ZFAND3: variants seen among roughly 807,000 people sequenced by gnomAD.
ZFAND3 encodes the protein zinc finger AN1-type containing 3, also known as AN1-type zinc finger protein 3.
In ZFAND3, 10 loss-of-function variants were observed where a neutral mutation model predicts 29.6. That is an observed-to-expected ratio of 0.34 (90% CI 0.21 to 0.57). The LOEUF is 0.57. Among genes scored for constraint, ZFAND3 ranks in the 20% least tolerant of loss-of-function variants. ZFAND3 has a pLI of 0.86. For missense variants in ZFAND3, 230 were observed against 304.5 expected, an observed-to-expected ratio of 0.76 and a Z score of 1.82; for synonymous variants, 128 against 112.6, an observed-to-expected ratio of 1.14 and a Z score of -0.87.
At chr6:38,077,845 C>G (rs1437931674) in intron 3 of ZFAND3, among the ~76,000 whole-genome samples, 3 of 152,200 alleles carry the variant, frequency 2.0e-5, no homozygotes, top group Non-Finnish European at 4.4e-5. Context: ...AACCACTGTT[C>G]TTGACTTCCT....
At chr6:38,076,400 C>T (rs1439761217) in intron 3 of ZFAND3, among the ~76,000 whole-genome samples, 1 of 152,040 alleles carries the variant, frequency 6.6e-6, no homozygotes, top group Non-Finnish European at 1.5e-5. Context: ...CCCATAATAT[C>T]TCTGAGGTAT....
intron 2 of ZFAND3, among the ~76,000 whole-genome samples, chr6:37,935,204 A>G (rs1479781961): frequency 1.3e-5 from 2 of 152,208 alleles, no homozygotes; most frequent in African/African-American, 2.4e-5. Flanking sequence ...TTTCTAAACT[A>G]TTGAAAAGGA....
intron 2 of ZFAND3, among the ~76,000 whole-genome samples, chr6:38,057,817 G>A (rs919491609): frequency 6.6e-6 from 1 of 152,144 alleles, no homozygotes; most frequent in Non-Finnish European, 1.5e-5. Context: ...AGCCATTACA[G>A]GTTGTAACAT....
intron 2 of ZFAND3, among the ~76,000 whole-genome samples, chr6:37,946,790 A>T (rs1311590481): frequency 3.3e-5 from 5 of 152,228 alleles, no homozygotes; most frequent in Non-Finnish European, 5.9e-5. Context: ...CAAAAAGAAC[A>T]AATACTATTT....
intron 4 of ZFAND3, among the ~76,000 whole-genome samples, chr6:38,097,865 A>C (rs931612934): frequency 6.6e-6 from 1 of 152,174 alleles, no homozygotes; most frequent in Non-Finnish European, 1.5e-5. Context: ...GTCAGATTGG[A>C]GAATGCAGAC....
At chr6:38,083,358 C>G (rs531419055) in intron 4 of ZFAND3, among the ~76,000 whole-genome samples, 3 of 152,222 alleles carry the variant, frequency 2.0e-5, no homozygotes, top group Non-Finnish European at 4.4e-5. Flanking sequence ...CTCTTCTCTT[C>G]CAAATGACCA....
chr6:38,048,644 T>C lies in ZFAND3; in HGVS notation c.113-12949T>C, dbSNP rs1005975968. On this transcript the variant is annotated intron_variant, in intron 2 of 5. Coordinates refer to ENST00000287218, the MANE Select transcript of ZFAND3 (RefSeq NM_021943.3). ...CTCAAAAAAAAAAAAATTCAATGCC[T>C]GTTTTATGAGGGGCAGCTGCATTAT... Among the ~76,000 whole-genome samples, 4 of 74,244 alleles carry C rather than the reference T, an allele frequency of 5.4e-5. No individual in the cohort carries two copies. In the East Asian group the frequency reaches 1.0e-3, roughly 19 times the overall value. 48.7% of individuals were successfully genotyped at this position (74,244 alleles called of 152,430 possible).
intron 1 of ZFAND3, among the ~76,000 whole-genome samples, chr6:37,844,328 C>G (rs374610065): frequency 6.6e-6 from 1 of 152,242 alleles, no homozygotes. Flanking sequence ...GTCGCCCAGG[C>G]TGGAGTGCAG....
chr6:38,109,217 C>T (rs531684923), intron 4 of ZFAND3, among the ~76,000 whole-genome samples: 1 of 144,636 alleles, frequency 6.9e-6, no homozygotes, highest in Non-Finnish European at 1.5e-5. Context: ...GAGTCTTGCT[C>T]TGTCGCCGAG....
At position 38,050,752 on chromosome 6, in the gene ZFAND3, T is replaced by C. The variant is rs1053948550; in HGVS notation, c.113-10841T>C. Among the ~76,000 whole-genome samples, 4 of 152,344 alleles carry C rather than the reference T, an allele frequency of 2.6e-5. No homozygotes were observed. The Middle Eastern group carries it at 0.01, about 389-fold the overall frequency. ...AGAACGGACTAATACCCTGGGACTATAGGCGTGCACCACTGTGCCCAGCTG... is the reference window on the plus strand; with the variant it reads ...AGAACGGACTAATACCCTGGGACTACAGGCGTGCACCACTGTGCCCAGCTG... On this transcript the variant is annotated intron_variant, in intron 2 of 5. Coordinates refer to ENST00000287218, the MANE Select transcript of ZFAND3 (RefSeq NM_021943.3).
At chr6:37,891,709 TAAC>T (rs1765106319) in intron 1 of ZFAND3, among the ~76,000 whole-genome samples, 1 of 152,178 alleles carries the variant, frequency 6.6e-6, no homozygotes, top group Admixed American at 6.5e-5. Context: ...ACATTTCACT[TAAC>T]AACAAAGTAT....
chr6:38,114,833 C>T (rs76363145), intron 4 of ZFAND3, among the ~76,000 whole-genome samples: 10,843 of 152,194 alleles, frequency 0.071, 454 homozygotes, highest in Non-Finnish European at 0.087. Context: ...TTCATTCATT[C>T]AAAAAATATT....
chr6:38,151,283 G>A (rs1339210332), intron 5 of ZFAND3, among the ~76,000 whole-genome samples: 2 of 152,170 alleles, frequency 1.3e-5, no homozygotes, highest in Non-Finnish European at 2.9e-5. Flanking sequence ...TTCATCACTG[G>A]TCTTTTTCTC....
intron 2 of ZFAND3, among the ~76,000 whole-genome samples, chr6:37,988,065 G>A (rs192834131): frequency 2.0e-5 from 3 of 152,298 alleles, no homozygotes; most frequent in Admixed American, 6.5e-5. Flanking sequence ...AGGAAATATT[G>A]TGTGAATTAA....
At chr6:38,084,353 C>T (rs1161462939) in intron 4 of ZFAND3, among the ~76,000 whole-genome samples, 1 of 152,164 alleles carries the variant, frequency 6.6e-6, no homozygotes, top group African/African-American at 2.4e-5. Context: ...AAGTTAACAT[C>T]TCAAAATTTT....
chr6:38,073,636 A>G (rs148673733), intron 3 of ZFAND3, among the ~76,000 whole-genome samples: 5 of 152,268 alleles, frequency 3.3e-5, no homozygotes, highest in East Asian at 3.9e-4. Flanking sequence ...GGATTATTCT[A>G]TTTTTATCCC....
At chr6:38,054,522 A>C (rs922948934) in intron 2 of ZFAND3, among the ~76,000 whole-genome samples, 1 of 151,952 alleles carries the variant, frequency 6.6e-6, no homozygotes, top group African/African-American at 2.4e-5. Flanking sequence ...GAAAGAGAAA[A>C]AAATAATAAA....
intron 1 of ZFAND3, among the ~76,000 whole-genome samples, chr6:37,921,157 A>G (rs1761370395): frequency 6.6e-6 from 1 of 152,036 alleles, no homozygotes; most frequent in South Asian, 2.1e-4. Context: ...GATTATTAGA[A>G]GAGGTTGAAT....
chr6:38,150,575 T>C (rs974006732), intron 5 of ZFAND3, among the ~76,000 whole-genome samples: 3 of 152,220 alleles, frequency 2.0e-5, no homozygotes, highest in Non-Finnish European at 4.4e-5. Flanking sequence ...GTTAAGGCTA[T>C]TGAATCTTAA....
Sources: gnomAD v4.1 joint callset for allele counts (sites outside exome capture counted in the v4.1 genomes callset) on GRCh38, gnomAD v4.1.1 for gene constraint, MANE v1.5 for transcripts, NCBI Gene and HGNC (gene_info 2026-07-23, HGNC 2026-07-21) for gene names.